The following DOCK10 variants were observed in gnomAD, a reference collection of about 807,000 sequenced individuals.
DOCK10 encodes dedicator of cytokinesis protein 10.
In DOCK10, 145 loss-of-function variants were observed where a neutral mutation model predicts 280.1. The observed-to-expected ratio is 0.52, with a 90% CI of 0.45 to 0.59. DOCK10 has a LOEUF of 0.59. DOCK10 is among the 20% of genes least tolerant of loss of function. The probability of loss-of-function intolerance (pLI) is 0.00; values close to 1 mark genes in which losing one functional copy is unlikely to be tolerated. For missense variants in DOCK10, 2,368 were observed against 2,651.7 expected (o/e 0.89, Z 2.35); for synonymous variants, 915 against 942.2 (o/e 0.97, Z 0.53).
chr2:225,002,687 A>C (rs1575159433), intron 1 of DOCK10, among the ~76,000 whole-genome samples: 1 of 152,342 alleles, frequency 6.6e-6, no homozygotes, highest in South Asian at 2.1e-4. Flanking sequence ...CCACATATGC[A>C]GAAAGAAAAA....
rs149822773 is a variant in DOCK10 at position 224,838,635 on chromosome 2, C to T, written c.2781-804G>A. ...AGGCTCTGCTTTAAAAACTAGGCTA[C>T]AAACCCTCATTCAGAAAGAGGTCAG... On this transcript the variant is annotated intron_variant, in intron 24 of 55. Transcript: ENST00000258390. Among the ~76,000 whole-genome samples the T allele has an allele frequency of 5.4e-3, 818 of 152,262 alleles. 7 individuals carry two copies. Among genetic ancestry groups the T allele is most frequent in the Middle Eastern group, 0.014 (4 of 294 alleles).
intron 18 of DOCK10, among the ~76,000 whole-genome samples, 165 bp from the exon 19 acceptor site, chr2:224,849,764 C>G (rs1696604686): frequency 1.3e-5 from 2 of 152,204 alleles, no homozygotes; most frequent in East Asian, 3.8e-4. Flanking sequence ...CTTTGGCCTA[C>G]TACCCTGCAT....
At chr2:224,861,765 T>G (rs1355628099) in intron 14 of DOCK10, 1 of 152,186 alleles carries the variant, frequency 6.6e-6, no homozygotes, top group Admixed American at 6.5e-5. Flanking sequence ...ACCTGGCTAA[T>G]TTTTGTATTT....
chr2:224,833,127 T>C (rs962829666), intron 26 of DOCK10, among the ~76,000 whole-genome samples: 2 of 152,154 alleles, frequency 1.3e-5, no homozygotes, highest in African/African-American at 2.4e-5. Flanking sequence ...TCCATTTTTA[T>C]CCCACTGTAG....
At chr2:225,041,102 C>T (rs1433755251) in intron 1 of DOCK10, among the ~76,000 whole-genome samples, 1 of 152,172 alleles carries the variant, frequency 6.6e-6, no homozygotes, top group Non-Finnish European at 1.5e-5. Flanking sequence ...AGGCAATTTG[C>T]TTCCGTTCTG....
chr2:224,779,939 T>C (rs564566644), intron 50 of DOCK10, among the ~76,000 whole-genome samples: 1 of 152,260 alleles, frequency 6.6e-6, no homozygotes, highest in South Asian at 2.1e-4. Context: ...TCTTCAACAT[T>C]GCATGCCCAG....
At chr2:224,810,260 C>T (rs982332790) in intron 31 of DOCK10, among the ~76,000 whole-genome samples, 5 of 152,124 alleles carry the variant, frequency 3.3e-5, no homozygotes, top group African/African-American at 1.2e-4. Context: ...TTGTACCCCT[C>T]TAAGTTTCTG....
chr2:224,974,982 A>C (rs1007243238), intron 1 of DOCK10, among the ~76,000 whole-genome samples: 1 of 150,776 alleles, frequency 6.6e-6, no homozygotes, highest in African/African-American at 2.4e-5. Flanking sequence ...CCACACCGAT[A>C]CTTGGTTTTC....
At position 225,042,049 on chromosome 2, in the gene DOCK10, GCCCC is replaced by G; in HGVS notation, c.123+199_123+202del. Among the ~76,000 whole-genome samples the G allele has an allele frequency of 6.6e-6, 1 of 152,204 alleles. No individual in the cohort carries two copies. Among genetic ancestry groups the G allele is most frequent in the South Asian group, 2.1e-4 (1 of 4,830 alleles). On this transcript the variant is annotated intron_variant, in intron 1 of 55. Coordinates refer to ENST00000258390, the MANE Select transcript of DOCK10 (RefSeq NM_014689.3). This position sits in a 1 kb window ranked among gnomAD's most constrained non-coding sequence, Gnocchi z 5.1. ...CTGAGCGTCCCGCGTGCACAAACGC[GCCCC>G]CGGTCCTTACGCGTCGGTGGCGCTG...
intron 45 of DOCK10, among the ~76,000 whole-genome samples, chr2:224,793,789 T>C (rs1431750018): frequency 6.6e-6 from 1 of 152,216 alleles, no homozygotes. Flanking sequence ...ATTAAAACTA[T>C]AACTCTAGTA....
chr2:224,929,119 C>A (rs999166777), intron 2 of DOCK10, among the ~76,000 whole-genome samples: 1 of 152,196 alleles, frequency 6.6e-6, no homozygotes, highest in African/African-American at 2.4e-5. Flanking sequence ...ACAGCTCTTA[C>A]CCTACTCAGA....
chr2:225,003,396 C>T (rs999397694), intron 1 of DOCK10, among the ~76,000 whole-genome samples: 3 of 152,118 alleles, frequency 2.0e-5, no homozygotes, highest in Non-Finnish European at 4.4e-5. Context: ...CATGGAGATC[C>T]TAAGTTCACT....
Position 224,789,061 on chromosome 2 carries a change from A to C in DOCK10, c.5418+3T>G. ...ACTGTACATGAGATAATTTTGGTCT[A>C]ACCTCATTGTATGGTGTATCTTGCA... On this transcript the variant is annotated splice_donor_region_variant and intron_variant, in intron 48 of 55. Transcript: ENST00000258390. 6.2e-7 allele frequency: 1 copy of C among 1,605,430 alleles called. No individual in the cohort carries two copies.
At chr2:225,041,820 T>C (rs919501429) in intron 1 of DOCK10, among the ~76,000 whole-genome samples, 4 of 152,044 alleles carry the variant, frequency 2.6e-5, no homozygotes, top group Non-Finnish European at 4.4e-5. Flanking sequence ...CACTGGTCTG[T>C]TTACTGGAGG....
chr2:224,854,713 T>C (rs1178609328), intron 16 of DOCK10, among the ~76,000 whole-genome samples: 1 of 152,194 alleles, frequency 6.6e-6, no homozygotes, highest in Admixed American at 6.5e-5. Flanking sequence ...TAGGTTACCC[T>C]GAATATAGTT....
chr2:224,988,062 T>C (rs1706018941), intron 1 of DOCK10, among the ~76,000 whole-genome samples: 1 of 152,152 alleles, frequency 6.6e-6, no homozygotes, highest in South Asian at 2.1e-4. Context: ...CCCATAATTA[T>C]TCAGTGAACA....
intron 1 of DOCK10, among the ~76,000 whole-genome samples, chr2:224,984,796 A>C (rs1705920105): frequency 6.6e-6 from 1 of 152,042 alleles, no homozygotes; most frequent in African/African-American, 2.4e-5. Flanking sequence ...GAGACACAGA[A>C]ACCTACCCAG....
chr2:224,817,927 C>T (rs1694241608), intron 29 of DOCK10, among the ~76,000 whole-genome samples: 2 of 152,110 alleles, frequency 1.3e-5, no homozygotes, highest in African/African-American at 4.8e-5. Context: ...AGATAATTTC[C>T]CCTTGAGGAC....
intron 1 of DOCK10, among the ~76,000 whole-genome samples, chr2:224,967,727 A>G (rs1704855768): frequency 6.6e-6 from 1 of 151,658 alleles, no homozygotes. Context: ...GGAAATCCAT[A>G]TTGTAAAAAA....
Sources: gnomAD v4.1 joint callset for allele counts (sites outside exome capture counted in the v4.1 genomes callset) on GRCh38, gnomAD v4.1.1 for gene constraint, Gnocchi (gnomAD v3.1) non-coding constraint, MANE v1.5 for transcripts, NCBI Gene and HGNC (gene_info 2026-07-23, HGNC 2026-07-21) for gene names.